PTCD2: variants seen among roughly 807,000 people sequenced by gnomAD.
PTCD2 encodes the protein pentatricopeptide repeat-containing protein 2, mitochondrial.
A neutral mutation model predicts 42.6 loss-of-function variants in PTCD2; 31 were observed. The ratio of observed to expected loss-of-function variants is 0.73; its 90% CI spans 0.55 to 0.98. The LOEUF (loss-of-function observed/expected upper bound fraction) is 0.98, where lower values mean the gene tolerates loss of function less well. Among genes scored for constraint, PTCD2 ranks in the 50% least tolerant of loss-of-function variants. PTCD2 has a pLI of 0.00. For missense variants in PTCD2, 476 were observed against 454.8 expected, an observed-to-expected ratio of 1.05 and a Z score of -0.42; for synonymous variants, 183 against 170.9, an observed-to-expected ratio of 1.07 and a Z score of -0.55.
At chr5:72,332,224 C>T (rs181477373) in intron 4 of PTCD2, among the ~76,000 whole-genome samples, 24 of 152,216 alleles carry the variant, frequency 1.6e-4, no homozygotes, top group Admixed American at 1.2e-3. Context: ...TTTTTTTATA[C>T]AAAATTTTCT....
At chr5:72,321,736 G>A (rs1405887768) in intron 1 of PTCD2, among the ~76,000 whole-genome samples, 1 of 152,182 alleles carries the variant, frequency 6.6e-6, no homozygotes, top group Non-Finnish European at 1.5e-5. Flanking sequence ...CAGTGGTCAT[G>A]CTGCAGCTTT....
intron 9 of PTCD2, among the ~76,000 whole-genome samples, chr5:72,353,635 T>C (rs1345882127): frequency 6.6e-6 from 1 of 152,178 alleles, no homozygotes; most frequent in Non-Finnish European, 1.5e-5. Flanking sequence ...TAATTCAAAC[T>C]GTGGCTTAGG....
At position 72,358,330 on chromosome 5, in the gene PTCD2, C is replaced by G. The variant is rs764190753; in HGVS notation, c.1070C>G (p.Thr357Ser). The G allele has an allele frequency of 1.9e-6, 3 of 1,613,952 alleles. No individual in the cohort carries two copies. Among genetic ancestry groups the G allele is most frequent in the South Asian group, 1.1e-5 (1 of 91,074 alleles). Residue 357 changes from threonine to serine, a missense_variant, in exon 10 of 10, where the codon ACC (threonine) becomes AGC (serine). Thr to Ser is a moderately conservative substitution (Grantham distance 58). Coordinates refer to ENST00000380639, the MANE Select transcript of PTCD2 (RefSeq NM_024754.5). ...TCTTTGGATGCTGTGCTCTGCCACA[C>G]CCCCAGGGACAGGAAATCTCACACG... ...TDSLDAVLCH[T>S]PRDRKSHTLL...
At chr5:72,344,152 T>C (rs1752227938) in intron 8 of PTCD2, among the ~76,000 whole-genome samples, 1 of 151,298 alleles carries the variant, frequency 6.6e-6, no homozygotes, top group South Asian at 2.1e-4. Flanking sequence ...GACTGTGGGG[T>C]TGGAGGGAAT....
chr5:72,329,292 C>CT (rs1352424760), intron 3 of PTCD2, among the ~76,000 whole-genome samples: 14 of 152,230 alleles, frequency 9.2e-5, no homozygotes, highest in African/African-American at 3.4e-4. Context: ...AACATGTTCT[C>CT]TTTCTCCCTG....
At chr5:72,321,391 C>G (rs1750836605) in intron 1 of PTCD2, 1 of 152,126 alleles carries the variant, frequency 6.6e-6, no homozygotes, top group South Asian at 2.1e-4. Context: ...AGTAATTTGC[C>G]CAAAGTCAGA....
Position 72,365,365 on chromosome 5 carries a change from C to T in PTCD2, c.*6938C>T, listed in dbSNP as rs1039343651. 2.6e-5 allele frequency: 4 copies of T among 152,198 alleles called. No homozygotes were observed. The highest frequency in any genetic ancestry group is 2.0e-4 in the Admixed American group (3 of 15,278). 9.4% of individuals were successfully genotyped at this position (152,198 alleles called of 1,614,324 possible). On this transcript the variant is annotated 3_prime_UTR_variant, in exon 10 of 10. Coordinates refer to ENST00000380639, the MANE Select transcript of PTCD2 (RefSeq NM_024754.5). ...CCTGACTGAATCAGGCCAAGATGCT[C>T]ACCCAGAAGAGCACAGCATCACCCT...
rs1156817062 is a variant in PTCD2 at position 72,366,798 on chromosome 5, TATC to T, written c.*8374_*8376del. 3 of 152,244 alleles carry T rather than the reference TATC, an allele frequency of 2.0e-5. No homozygotes were observed. The highest frequency in any genetic ancestry group is 7.2e-5 in the African/African-American group (3 of 41,466). 9.4% of individuals were successfully genotyped at this position (152,244 alleles called of 1,614,324 possible). On this transcript the variant is annotated 3_prime_UTR_variant, in exon 10 of 10. Transcript: ENST00000380639. ...TCTGCAGAAAGTAGACCAATGTAAG[TATC>T]ATGCAATGTGTCCATGTGCGTGTAC...
rs996954252 is a variant in PTCD2 at position 72,364,410 on chromosome 5, T to C, written c.*5983T>C. 1.2e-4 allele frequency: 19 copies of C among 152,244 alleles called. No individual in the cohort carries two copies. Among genetic ancestry groups the C allele is most frequent in the Admixed American group, 3.9e-4 (6 of 15,288 alleles). 9.4% of individuals were successfully genotyped at this position (152,244 alleles called of 1,614,324 possible). ...TAAAGGAAGACCTTTTGCTGGTGTT[T>C]TGTAAAACCAGTTGTCTGTGTCATT... On this transcript the variant is annotated 3_prime_UTR_variant, in exon 10 of 10. Transcript: ENST00000380639.
At chr5:72,350,939 G>A (rs1182978170) in intron 8 of PTCD2, among the ~76,000 whole-genome samples, 1 of 152,156 alleles carries the variant, frequency 6.6e-6, no homozygotes, top group African/African-American at 2.4e-5. Flanking sequence ...AAGTACATAT[G>A]TGCACATTGT....
In PTCD2 at chr5:72,361,434, A is replaced by G. The variant is rs1253686506; in HGVS notation, c.*3007A>G. On this transcript the variant is annotated 3_prime_UTR_variant, in exon 10 of 10. Transcript: ENST00000380639. ...AGTGCTGGGGCTGGAACATGTCTAC[A>G]CATAGCTTCCCCACAGCATGGTGGC... 1 of 152,206 alleles carries G rather than the reference A, an allele frequency of 6.6e-6. No homozygotes were observed. Among genetic ancestry groups the G allele is most frequent in the African/African-American group, 2.4e-5 (1 of 41,448 alleles). 9.4% of individuals were successfully genotyped at this position (152,206 alleles called of 1,614,324 possible).
rs1753041272 is a variant in PTCD2, at chr5:72,359,463, G to A, written c.*1036G>A. On this transcript the variant is annotated 3_prime_UTR_variant, in exon 10 of 10. Transcript: ENST00000380639. ...TCAGACCTCAGGAGCTGTCTGCCAAGATTGCTGCAGACTCTTCATTGCCAC... is the reference window on the plus strand; with the variant it reads ...TCAGACCTCAGGAGCTGTCTGCCAAAATTGCTGCAGACTCTTCATTGCCAC... The A allele has an allele frequency of 6.6e-6, 1 of 152,226 alleles. No individual in the cohort carries two copies. The highest frequency in any genetic ancestry group is 2.4e-5 in the African/African-American group (1 of 41,446). 9.4% of individuals were successfully genotyped at this position (152,226 alleles called of 1,614,324 possible). A position where few individuals can be genotyped will look rare whatever the true frequency, so the allele number is the denominator to read the frequency against.
intron 6 of PTCD2, among the ~76,000 whole-genome samples, chr5:72,337,457 T>G (rs547658405): frequency 1.3e-5 from 2 of 152,116 alleles, no homozygotes; most frequent in South Asian, 4.1e-4. Flanking sequence ...TGTCCTCTAC[T>G]TAGGGATGCC....
intron 7 of PTCD2, among the ~76,000 whole-genome samples, chr5:72,342,574 T>C (rs1752127401): frequency 6.6e-6 from 1 of 152,230 alleles, no homozygotes; most frequent in African/African-American, 2.4e-5. Flanking sequence ...CCTGCCAGCC[T>C]CCATTTCCAA....
intron 5 of PTCD2, 162 bp from the exon 6 acceptor site, chr5:72,335,632 G>A (rs1211318515): frequency 8.1e-6 from 4 of 494,374 alleles, no homozygotes; most frequent in African/African-American, 2.0e-5. Flanking sequence ...TGTTTGACTT[G>A]ATAGTTTATT....
At chr5:72,332,656 T>A (rs1751501710) in intron 4 of PTCD2, among the ~76,000 whole-genome samples, 1 of 152,214 alleles carries the variant, frequency 6.6e-6, no homozygotes, top group Non-Finnish European at 1.5e-5. Context: ...CGGGTTTTTT[T>A]TAGCCTGCTT....
chr5:72,343,359 G>C (rs1255918346), intron 8 of PTCD2, among the ~76,000 whole-genome samples: 1 of 152,170 alleles, frequency 6.6e-6, no homozygotes, highest in Non-Finnish European at 1.5e-5. Flanking sequence ...GGAGGGGATG[G>C]AGACAGATCC....
chr5:72,339,991 T>TAA (rs1751970005), intron 7 of PTCD2, among the ~76,000 whole-genome samples: 1 of 152,202 alleles, frequency 6.6e-6, no homozygotes, highest in African/African-American at 2.4e-5. Context: ...GCTTTGTCTC[T>TAA]TATATACTGC....
At chr5:72,339,050 C>T (rs903118549) in intron 7 of PTCD2, among the ~76,000 whole-genome samples, 37 of 152,186 alleles carry the variant, frequency 2.4e-4, no homozygotes, top group African/African-American at 8.7e-4. Context: ...TTAATGCTCT[C>T]CAAAGTTGAA....
Sources: gnomAD v4.1 joint callset for allele counts (sites outside exome capture counted in the v4.1 genomes callset) on GRCh38, gnomAD v4.1.1 for gene constraint, MANE v1.5 for transcripts, NCBI Gene and HGNC (gene_info 2026-07-23, HGNC 2026-07-21) for gene names.